The following ALS2CL variants were observed in gnomAD, a reference collection of about 807,000 sequenced individuals.
The protein encoded by ALS2CL is ALS2 C-terminal-like protein.
In ALS2CL, 112 loss-of-function variants were observed where a neutral mutation model predicts 127.9. That is an observed-to-expected ratio of 0.88 (90% CI 0.75 to 1.02). ALS2CL has a LOEUF of 1.02. Ranked by LOEUF, ALS2CL falls within the 50% of genes least tolerant of loss-of-function variation. The pLI is 0.00. For synonymous variants in ALS2CL, 519 were observed against 527.6 expected (o/e 0.98, Z 0.22); for missense variants, 1,174 against 1,236.7 (o/e 0.95, Z 0.76).
chr3:46,686,897 C>T lies in ALS2CL; in HGVS notation c.534+86G>A, dbSNP rs935091122. On this transcript the variant is annotated intron_variant, in intron 5 of 25. Transcript: ENST00000318962. The surrounding 1 kb of genome is among the most constrained non-coding windows in gnomAD (Gnocchi z 4.3). Reference sequence around the variant, plus strand: ...GCTGAGTCCTTCTTGTACTAGGGTTCCTGAGTATAGGCTGAGCCCCCTGAG... The same window carrying T: ...GCTGAGTCCTTCTTGTACTAGGGTTTCTGAGTATAGGCTGAGCCCCCTGAG... 22 of 1,381,350 alleles carry T rather than the reference C, an allele frequency of 1.6e-5. No homozygotes were observed. Among genetic ancestry groups the T allele is most frequent in the Middle Eastern group, 2.1e-4 (1 of 4,730 alleles). 85.6% of individuals were successfully genotyped at this position (1,381,350 alleles called of 1,614,324 possible). A position where few individuals can be genotyped will look rare whatever the true frequency, so the allele number is the denominator to read the frequency against.
chr3:46,674,596 G>A lies in ALS2CL; in HGVS notation c.2399C>T (p.Thr800Ile), dbSNP rs146972680. ...GIANLSLFPD[T>I]QLLEFLDVQK... is the part of the protein sequence containing the mutation. ...CACATCCAGGAACTCGAGCAGTTGG[G>A]TATCAGGAAAGAGGCTCAAGTTGGC... The change falls in exon 21 of 26, where the codon ACC becomes ATC. Residue 800 changes from threonine (T) to isoleucine (I), a missense_variant. Coordinates refer to ENST00000318962, the MANE Select transcript of ALS2CL (RefSeq NM_147129.5). The A allele has an allele frequency of 5.6e-6, 9 of 1,613,800 alleles. No homozygotes were observed. Among genetic ancestry groups the A allele is most frequent in the African/African-American group, 1.3e-5 (1 of 74,892 alleles).
chr3:46,685,050 T>A (rs1192950451), intron 7 of ALS2CL, among the ~76,000 whole-genome samples: 1 of 152,166 alleles, frequency 6.6e-6, no homozygotes, highest in East Asian at 1.9e-4. Flanking sequence ...CCTTCTGACT[T>A]CCACAATGCT....
intron 1 of ALS2CL, among the ~76,000 whole-genome samples, chr3:46,690,483 C>T (rs181330384): frequency 1.6e-4 from 24 of 152,274 alleles, no homozygotes; most frequent in Admixed American, 7.2e-4. Flanking sequence ...AATGCAGTGT[C>T]CTGCCTAAAG....
intron 7 of ALS2CL, among the ~76,000 whole-genome samples, chr3:46,684,470 T>G (rs1021052100): frequency 9.9e-5 from 15 of 152,194 alleles, no homozygotes; most frequent in African/African-American, 3.6e-4. Flanking sequence ...CTCTCCTCAC[T>G]GTGAACTTTT....
intron 24 of ALS2CL, 109 bp downstream of exon 24, chr3:46,671,775 A>G: frequency 1.3e-6 from 2 of 1,543,904 alleles, no homozygotes; most frequent in Admixed American, 1.9e-5. Context: ...CCATCTGTAC[A>G]GAGAGAAGCT....
chr3:46,673,669 G>A (rs1388673971), intron 21 of ALS2CL, among the ~76,000 whole-genome samples: 1 of 152,204 alleles, frequency 6.6e-6, no homozygotes, highest in Non-Finnish European at 1.5e-5. Flanking sequence ...GCTCTGCTGA[G>A]CCAGCACAGG....
rs7642448 is a variant in ALS2CL, at chr3:46,688,267, C to G, written c.133G>C (p.Glu45Gln). Residue 45 changes from glutamate (E) to glutamine (Q), a missense_variant, in exon 3 of 26, where the codon GAG becomes CAG. Glu to Gln is a conservative substitution (Grantham distance 29, BLOSUM62 2). Transcript: ENST00000318962. Reference sequence around the variant, plus strand: ...AGCTGTTGCAAGAGCCGCAGGCACTCTCTGCCCCAGGGATCCGAGGGATCT... The same window carrying G: ...AGCTGTTGCAAGAGCCGCAGGCACTGTCTGCCCCAGGGATCCGAGGGATCT... ...APDPSDPWGR[E>Q]CLRLLQQLHK... 537,811 of 1,612,376 alleles carry G rather than the reference C, an allele frequency of 0.33. 95,000 individuals are homozygous for G. The highest frequency in any genetic ancestry group is 0.66 in the African/African-American group (49,441 of 74,940).
intron 1 of ALS2CL, among the ~76,000 whole-genome samples, chr3:46,692,579 G>A (rs1293811726): frequency 6.6e-6 from 1 of 152,224 alleles, no homozygotes; most frequent in Non-Finnish European, 1.5e-5. Context: ...GGTTCACCTA[G>A]CTAGATGGCT....
Position 46,674,919 on chromosome 3 carries a change from T to C in ALS2CL, c.2256-180A>G, listed in dbSNP as rs893687264. On this transcript the variant is annotated intron_variant, in intron 20 of 25. Coordinates refer to ENST00000318962, the MANE Select transcript of ALS2CL (RefSeq NM_147129.5). ...GTCATCATTTGCCCAATTCAATTCA[T>C]AACTTCATTCCCTCCTTTGACTTTG... 3.6e-5 allele frequency: 20 copies of C among 549,392 alleles called. No individual in the cohort carries two copies. The Admixed American group carries it at 7.2e-4, about 20-fold the overall frequency. 34.0% of individuals were successfully genotyped at this position (549,392 alleles called of 1,614,324 possible). A position where few individuals can be genotyped will look rare whatever the true frequency, so the allele number is the denominator to read the frequency against.
At chr3:46,675,577 C>T (rs371464505) in intron 20 of ALS2CL, 41 bp downstream of exon 20, 2 of 1,598,296 alleles carry the variant, frequency 1.3e-6, no homozygotes, top group African/African-American at 1.3e-5. Flanking sequence ...CATGAGGCCT[C>T]CCTGGACACG....
chr3:46,683,658 C>A (rs1699538126), intron 9 of ALS2CL, 124 bp downstream of exon 9: 1 of 1,227,530 alleles, frequency 8.1e-7, no homozygotes, highest in Admixed American at 1.7e-5. Flanking sequence ...CTGACCAGGT[C>A]CCCAGAAGCC....
Position 46,681,276 on chromosome 3 carries a change from C to G in ALS2CL, c.1406G>C (p.Ser469Thr), listed in dbSNP as rs1699312232. Residue 469 changes from serine to threonine, a missense_variant, in exon 13 of 26, where the codon AGC becomes ACC. By Grantham distance (58) the Ser-to-Thr change is moderately conservative. Transcript: ENST00000318962. The surrounding 1 kb of genome is among the most constrained non-coding windows in gnomAD (Gnocchi z 4.9). ...YTGHWERGQRSGYGIEEDGDR... is the reference protein window; with the variant it reads ...YTGHWERGQRTGYGIEEDGDR... ...ACCATCCTCCTCAATGCCATAGCCG[C>G]TCCTCTGGCCCCTCTCCCAGTGGCC... 2 of 1,613,898 alleles carry G rather than the reference C, an allele frequency of 1.2e-6. No individual in the cohort carries two copies. Among genetic ancestry groups the G allele is most frequent in the South Asian group, 2.2e-5 (2 of 91,090 alleles).
In ALS2CL at chr3:46,676,862, G is replaced by A. The variant is rs1482108192; in HGVS notation, c.1918C>T (p.Leu640=). Residue 640 remains leucine, a synonymous_variant, in exon 17 of 26, where the codon CTG becomes TTG. Transcript: ENST00000318962. The part of the protein sequence containing the change: ...SRELRRSQDY[L]SCERTHPEDS... Reference sequence around the variant, plus strand: ...AGCCGGCCTCACCTCTCGCAGGACAGGTAATCCTGAGACCTACGCAGCTCC... The same window carrying A: ...AGCCGGCCTCACCTCTCGCAGGACAAGTAATCCTGAGACCTACGCAGCTCC... The A allele has an allele frequency of 6.4e-7, 1 of 1,562,652 alleles. No homozygotes were observed. The highest frequency in any genetic ancestry group is 1.4e-5 in the African/African-American group (1 of 73,240).
chr3:46,679,126 C>T, intron 15 of ALS2CL, 84 bp downstream of exon 15: 7 of 1,410,344 alleles, frequency 5.0e-6, no homozygotes, highest in Non-Finnish European at 6.8e-6. Flanking sequence ...CCTACCTGCC[C>T]CCAGCCCTGA....
Position 46,676,921 on chromosome 3 carries a change from T to A in ALS2CL, c.1859A>T (p.Glu620Val), listed in dbSNP as rs767584736. The change falls in exon 17 of 26, where the codon GAG becomes GTG. Residue 620 changes from glutamate to valine, a missense_variant. By Grantham distance (121) the Glu-to-Val change is moderately radical. Transcript: ENST00000318962. Reference protein sequence around the residue: ...VCAGCPRDLQEALLGFDVQSS... With the variant: ...VCAGCPRDLQVALLGFDVQSS... The stretch of plus-strand genomic sequence containing the variant: ...CTGCACGTCGAAGCCCAGCAGGGCC[T>A]CCTGCAGGTCCCTGGGGCAGCCAGC... 5 of 1,613,578 alleles carry A rather than the reference T, an allele frequency of 3.1e-6. No individual in the cohort carries two copies. The highest frequency in any genetic ancestry group is 4.2e-6 in the Non-Finnish European group (5 of 1,179,956).
chr3:46,688,984 A>G (rs1274578099), intron 2 of ALS2CL, among the ~76,000 whole-genome samples: 1 of 152,170 alleles, frequency 6.6e-6, no homozygotes, highest in Admixed American at 6.5e-5. Context: ...AATCCCAGCA[A>G]TTTGAGAGGC....
intron 18 of ALS2CL, 51 bp downstream of exon 18, chr3:46,676,591 C>A (rs755776998): frequency 1.3e-6 from 2 of 1,594,158 alleles, no homozygotes; most frequent in African/African-American, 2.7e-5. Flanking sequence ...CCCTTCCCCA[C>A]CAGGGACAGT....
intron 25 of ALS2CL, 62 bp downstream of exon 25, chr3:46,671,426 G>C: frequency 1.2e-6 from 2 of 1,606,232 alleles, no homozygotes; most frequent in Non-Finnish European, 1.7e-6. Context: ...TCTGGGAAGG[G>C]AAAAGGGTCT....
intron 21 of ALS2CL, 142 bp from the exon 22 acceptor site, chr3:46,673,523 G>A (rs1266966243): frequency 2.8e-5 from 24 of 864,988 alleles, no homozygotes; most frequent in Non-Finnish European, 3.9e-5. Flanking sequence ...AGGTCATGGG[G>A]AGGATGGAAG....
Sources: allele counts gnomAD v4.1 joint callset (sites outside exome capture counted in the v4.1 genomes callset), GRCh38; gene constraint gnomAD v4.1.1; non-coding constraint Gnocchi (gnomAD v3.1); transcripts MANE v1.5; gene names NCBI Gene and HGNC (gene_info 2026-07-23, HGNC 2026-07-21).